Variants in MUL1 observed in about 807,000 individuals in gnomAD.
MUL1 encodes the protein mitochondrial ubiquitin ligase activator of NFKB 1.
MUL1 carries 30 observed loss-of-function variants against 34.1 expected under a neutral mutation model. That is an observed-to-expected ratio of 0.88 (90% CI 0.66 to 1.19). The LOEUF (loss-of-function observed/expected upper bound fraction) is 1.19, where lower values mean the gene tolerates loss of function less well. Ranked by LOEUF, MUL1 falls within the 50% of genes most tolerant of loss-of-function variation. The probability of loss-of-function intolerance (pLI) is 0.00; values close to 1 mark genes in which losing one functional copy is unlikely to be tolerated. For missense variants in MUL1, 419 were observed against 450.5 expected, an observed-to-expected ratio of 0.93 and a Z score of 0.63; for synonymous variants, 191 against 187.8, an observed-to-expected ratio of 1.02 and a Z score of -0.14.
rs528169153 is a variant in MUL1 at position 20,503,653 on chromosome 1, C to T, written c.121-344G>A. Among the ~76,000 whole-genome samples, 5 of 152,288 alleles carry T rather than the reference C, an allele frequency of 3.3e-5. No homozygotes were observed. In the South Asian group the frequency reaches 1.0e-3, roughly 32 times the overall value. On this transcript the variant is annotated intron_variant, in intron 1 of 3. Coordinates refer to ENST00000264198, the MANE Select transcript of MUL1 (RefSeq NM_024544.3). ...CAGACTGAACATCATTCAATCTCTT[C>T]CTGACAACACAGAGCTATGATCCAA...
Position 20,501,301 on chromosome 1 carries a change from G to C in MUL1, c.448C>G (p.Leu150Val), listed in dbSNP as rs761186067. 1 of 1,614,058 alleles carries C rather than the reference G, an allele frequency of 6.2e-7. No homozygotes were observed. ...TTCTCATACACAGTCTCTAGACCCAGATCCACTGAGTCCAGGGGCTTCAGC... is the reference window on the plus strand; with the variant it reads ...TTCTCATACACAGTCTCTAGACCCACATCCACTGAGTCCAGGGGCTTCAGC... ...RVLKPLDSVD[L>V]GLETVYEKFH... Residue 150 changes from leucine to valine, a missense_variant, in exon 4 of 4, where the codon CTG (leucine) becomes GTG (valine). Physicochemically the swap from Leu to Val is conservative, Grantham distance 32 (BLOSUM62 1). Transcript: ENST00000264198. This position sits in a 1 kb window ranked among gnomAD's most constrained non-coding sequence, Gnocchi z 4.2.
rs2051630946 is a variant in MUL1 at position 20,499,513 on chromosome 1, T to G, written c.*1177A>C. On this transcript the variant is annotated 3_prime_UTR_variant, in exon 4 of 4. Coordinates refer to ENST00000264198, the MANE Select transcript of MUL1 (RefSeq NM_024544.3). ...ACTGCATCATACTAGTGTCGGCCCC[T>G]GAGGGCACCCCTTCCTCGCCTGCAC... The G allele has an allele frequency of 6.6e-6, 1 of 152,232 alleles. No homozygotes were observed. Among genetic ancestry groups the G allele is most frequent in the South Asian group, 2.1e-4 (1 of 4,834 alleles). The allele number at this position is 152,232 out of a possible 1,614,324, so 9.4% of individuals were successfully genotyped here. A position where few individuals can be genotyped will look rare whatever the true frequency, so the allele number is the denominator to read the frequency against.
chr1:20,506,538 T>C (rs987283552), intron 1 of MUL1, among the ~76,000 whole-genome samples: 3 of 152,214 alleles, frequency 2.0e-5, no homozygotes, highest in Non-Finnish European at 4.4e-5. Context: ...GTGGTAACTG[T>C]CATTTTATTT....
Position 20,503,204 on chromosome 1 carries a change from A to C in MUL1, c.208+18T>G. 2.0e-6 allele frequency: 3 copies of C among 1,522,152 alleles called. No individual in the cohort carries two copies. Among genetic ancestry groups the C allele is most frequent in the Non-Finnish European group, 2.7e-6 (3 of 1,116,008 alleles). 94.3% of individuals were successfully genotyped at this position (1,522,152 alleles called of 1,614,324 possible). A position where few individuals can be genotyped will look rare whatever the true frequency, so the allele number is the denominator to read the frequency against. ...GGGAAAAAGACGTTGTTTTCCATTG[A>C]CCAATAAGCAAACATACCTTCTATA... On this transcript the variant is annotated intron_variant, in intron 2 of 3. Transcript: ENST00000264198.
At chr1:20,503,197 T>C (rs1570334038) in intron 2 of MUL1, 25 bp downstream of exon 2, 2 of 1,494,572 alleles carry the variant, frequency 1.3e-6, no homozygotes, top group Non-Finnish European at 1.8e-6. Flanking sequence ...GACGTTGTTT[T>C]CCATTGACCA....
At position 20,508,135 on chromosome 1, in the gene MUL1, G is replaced by C; in HGVS notation, c.-111C>G. The C allele has an allele frequency of 7.0e-7, 1 of 1,433,092 alleles. No homozygotes were observed. The highest frequency in any genetic ancestry group is 9.3e-7 in the Non-Finnish European group (1 of 1,079,532). The allele number at this position is 1,433,092 out of a possible 1,614,324, so 88.8% of individuals were successfully genotyped here. ...GCACCCCCCCGGCCTAACCTGACCG[G>C]AAACTCGAAATCAGTCGCCCAGCGA... On this transcript the variant is annotated 5_prime_UTR_variant, in exon 1 of 4. Transcript: ENST00000264198.
chr1:20,500,385 G>T lies in MUL1; in HGVS notation c.*305C>A. 1 of 252,388 alleles carries T rather than the reference G, an allele frequency of 4.0e-6. No homozygotes were observed. The highest frequency in any genetic ancestry group is 4.9e-5 in the Admixed American group (1 of 20,574). The allele number at this position is 252,388 out of a possible 1,614,324, so 15.6% of individuals were successfully genotyped here. ...AGAGCTGCTGATCACTGGCTTTGGT[G>T]CTTAAGTGATGAGGCATTTTCAGTC... On this transcript the variant is annotated 3_prime_UTR_variant, in exon 4 of 4. Coordinates refer to ENST00000264198, the MANE Select transcript of MUL1 (RefSeq NM_024544.3).
rs904632931 is a variant in MUL1 at position 20,500,596 on chromosome 1, A to G, written c.*94T>C. Reference sequence around the variant, plus strand: ...TCAATCATACCTGGAGGTGACAGCTACCCCCACCACTGCTCCTCCAAAGGC... The same window carrying G: ...TCAATCATACCTGGAGGTGACAGCTGCCCCCACCACTGCTCCTCCAAAGGC... On this transcript the variant is annotated 3_prime_UTR_variant, in exon 4 of 4. Transcript: ENST00000264198. The G allele has an allele frequency of 4.8e-6, 7 of 1,460,366 alleles. No individual in the cohort carries two copies. Among genetic ancestry groups the G allele is most frequent in the Non-Finnish European group, 6.4e-6 (7 of 1,091,606 alleles). The allele number at this position is 1,460,366 out of a possible 1,614,324, so 90.5% of individuals were successfully genotyped here.
Position 20,501,370 on chromosome 1 carries a change from C to T in MUL1, c.379G>A (p.Asp127Asn), listed in dbSNP as rs1181014267. The T allele has an allele frequency of 6.2e-7, 1 of 1,614,140 alleles. No homozygotes were observed. The highest frequency in any genetic ancestry group is 1.1e-5 in the South Asian group (1 of 91,082). Residue 127 changes from aspartate (D) to asparagine (N), a missense_variant, in exon 4 of 4, where the codon GAC (aspartate) becomes AAC (asparagine). By Grantham distance (23) the Asp-to-Asn change is conservative. Transcript: ENST00000264198. The surrounding 1 kb of genome is among the most constrained non-coding windows in gnomAD (Gnocchi z 4.2). ...ACGCCATCCTCGTGGGGCACCAGGTCAAAGGGCACTGTGTTGGTCCTCTGA... is the reference window on the plus strand; with the variant it reads ...ACGCCATCCTCGTGGGGCACCAGGTTAAAGGGCACTGTGTTGGTCCTCTGA... ...IHQRTNTVPFDLVPHEDGVDV... is the reference protein window; with the variant it reads ...IHQRTNTVPFNLVPHEDGVDV...
chr1:20,500,648 G>A lies in MUL1; in HGVS notation c.*42C>T, dbSNP rs1247529897. On this transcript the variant is annotated 3_prime_UTR_variant, in exon 4 of 4. Transcript: ENST00000264198. ...TCGAGATAAAAATCCCTGAAAAGGG[G>A]GCAGGGGTGCTTCCAGGTCAAGCTG... is the stretch of plus-strand genomic sequence containing the variant. The A allele has an allele frequency of 3.3e-6, 5 of 1,522,856 alleles. No individual in the cohort carries two copies. In the African/African-American group the frequency reaches 6.9e-5, roughly 21 times the overall value. 94.3% of individuals were successfully genotyped at this position (1,522,856 alleles called of 1,614,324 possible).
Position 20,501,167 on chromosome 1 carries a change from G to T in MUL1, c.582C>A (p.Thr194=), listed in dbSNP as rs780418458. 1 of 1,614,098 alleles carries T rather than the reference G, an allele frequency of 6.2e-7. No homozygotes were observed. The highest frequency in any genetic ancestry group is 8.5e-7 in the Non-Finnish European group (1 of 1,179,960). The change falls in exon 4 of 4, where the codon ACC becomes ACA. Residue 194 remains threonine, a synonymous_variant. Transcript: ENST00000264198. This position sits in a 1 kb window ranked among gnomAD's most constrained non-coding sequence, Gnocchi z 4.2. ...ETEEMLKVGA[T]LTGVGELVLD... ...GGACCAGTTCGCCAACCCCTGTGAG[G>T]GTGGCCCCCACCTTCAGCATCTCCT...
rs752352004 is a variant in MUL1 at position 20,503,302 on chromosome 1, T to A, written c.128A>T (p.Lys43Ile). Residue 43 changes from lysine to isoleucine, a missense_variant, in exon 2 of 4, where the codon AAA (lysine) becomes ATA (isoleucine). By Grantham distance (102) the Lys-to-Ile change is moderately radical. Transcript: ENST00000264198. ...ARVSQELKGA[K>I]KVHLGEDLKS... ...TAAATCTTCACCCAAATGAACTTTTTTAGCTCCCTAAATAAAAAAAAAAAA... is the reference window on the plus strand; with the variant it reads ...TAAATCTTCACCCAAATGAACTTTTATAGCTCCCTAAATAAAAAAAAAAAA... 3 of 1,595,128 alleles carry A rather than the reference T, an allele frequency of 1.9e-6. No homozygotes were observed. Among genetic ancestry groups the A allele is most frequent in the Non-Finnish European group, 2.6e-6 (3 of 1,171,296 alleles).
rs1380578935 is a variant in MUL1 at position 20,501,893 on chromosome 1, C to G, written c.329+176G>C. On this transcript the variant is annotated intron_variant, in intron 3 of 3. Transcript: ENST00000264198. This position sits in a 1 kb window ranked among gnomAD's most constrained non-coding sequence, Gnocchi z 4.2. The stretch of plus-strand genomic sequence containing the variant: ...AGAAATCTGCATTTCAACAAGATGC[C>G]TCGGTGATTCCGACATAGGAGGCCC... 6.6e-6 allele frequency among the ~76,000 whole-genome samples: 1 copy of G among 152,150 alleles called. No individual in the cohort carries two copies. The highest frequency in any genetic ancestry group is 1.5e-5 in the Non-Finnish European group (1 of 68,028).
chr1:20,500,764 C>T lies in MUL1; in HGVS notation c.985G>A (p.Ala329Thr), dbSNP rs139030069. ...HVCSCTECYR[A>T]LPEPKKCPIC... is the part of the protein sequence containing the mutation. Reference sequence around the variant, plus strand: ...GGGCACTTCTTGGGCTCTGGCAAGGCGCGGTAGCACTCGGTGCAGGAACAA... The same window carrying T: ...GGGCACTTCTTGGGCTCTGGCAAGGTGCGGTAGCACTCGGTGCAGGAACAA... The change falls in exon 4 of 4, where the codon GCC becomes ACC. Residue 329 changes from alanine (A) to threonine (T), a missense_variant. Physicochemically the swap from Ala to Thr is moderately conservative, Grantham distance 58 (BLOSUM62 0). Coordinates refer to ENST00000264198, the MANE Select transcript of MUL1 (RefSeq NM_024544.3). 79 of 1,613,348 alleles carry T rather than the reference C, an allele frequency of 4.9e-5. No homozygotes were observed. Among genetic ancestry groups the T allele is most frequent in the Admixed American group, 5.0e-5 (3 of 59,902 alleles).
intron 2 of MUL1, 34 bp from the exon 3 acceptor site, chr1:20,502,223 A>C: frequency 1.2e-6 from 2 of 1,613,068 alleles, no homozygotes; most frequent in Non-Finnish European, 8.5e-7. Flanking sequence ...TTTCTGAAGA[A>C]GTTTTCTGCC....
At chr1:20,503,126 C>A in intron 2 of MUL1, 96 bp downstream of exon 2, 1 of 838,280 alleles carries the variant, frequency 1.2e-6, no homozygotes, top group Non-Finnish European at 1.9e-6. Flanking sequence ...ACCATGGACC[C>A]AACACCACAA....
chr1:20,506,313 A>G lies in MUL1; in HGVS notation c.120+1592T>C, dbSNP rs370187125. On this transcript the variant is annotated intron_variant, in intron 1 of 3. Transcript: ENST00000264198. ...ACTGAGCATCTACCACTTGCCAAGT[A>G]CTGTGTTAGAAGCTAGAGGAAAGAG... 2.0e-5 allele frequency among the ~76,000 whole-genome samples: 3 copies of G among 152,356 alleles called. No individual in the cohort carries two copies. In the East Asian group the frequency reaches 5.8e-4, roughly 29 times the overall value.
Position 20,504,232 on chromosome 1 carries a change from C to G in MUL1, c.121-923G>C, listed in dbSNP as rs368523662. 6.6e-5 allele frequency among the ~76,000 whole-genome samples: 10 copies of G among 152,286 alleles called. 1 individual carries two copies. The highest frequency in any genetic ancestry group is 2.4e-4 in the African/African-American group (10 of 41,556). ...TGAGCACGGTTCTTTCTGCTGCTGT[C>G]TTCCTCTAACAATCCCTAGTTCTCC... On this transcript the variant is annotated intron_variant, in intron 1 of 3. Transcript: ENST00000264198.
At chr1:20,502,274 C>A (rs1350722152) in intron 2 of MUL1, 85 bp from the exon 3 acceptor site, 2 of 1,559,554 alleles carry the variant, frequency 1.3e-6, no homozygotes, top group African/African-American at 2.7e-5. Context: ...TCTGGTCTGG[C>A]ACAGTAGGTC....
Sources: allele counts gnomAD v4.1 joint callset (sites outside exome capture counted in the v4.1 genomes callset), GRCh38; gene constraint gnomAD v4.1.1; non-coding constraint Gnocchi (gnomAD v3.1); transcripts MANE v1.5; gene names NCBI Gene and HGNC (gene_info 2026-07-23, HGNC 2026-07-21).